Variants in PSD2 observed in about 807,000 individuals in gnomAD.
PSD2 encodes the protein PH and SEC7 domain-containing protein 2.
A neutral mutation model predicts 69.8 loss-of-function variants in PSD2; 38 were observed. The ratio of observed to expected loss-of-function variants is 0.54; its 90% confidence interval spans 0.42 to 0.71. The LOEUF is 0.71. Ranked by LOEUF, PSD2 falls within the 30% of genes least tolerant of loss-of-function variation. PSD2 has a pLI of 0.00. For synonymous variants in PSD2, 412 were observed against 423.0 expected, an observed-to-expected ratio of 0.97 and a Z score of 0.32; for missense variants, 943 against 1,014.5, an observed-to-expected ratio of 0.93 and a Z score of 0.96.
the PSD2 span, among the ~76,000 whole-genome samples, chr5:139,772,132 G>C: frequency 6.6e-6 from 1 of 152,198 alleles, no homozygotes; most frequent in Non-Finnish European, 1.5e-5. Flanking sequence ...GGCAGAGGGA[G>C]TGGGAGTGGG....
At chr5:139,818,498 A>G (rs1416009508) in intron 5 of PSD2, among the ~76,000 whole-genome samples, 1 of 152,204 alleles carries the variant, frequency 6.6e-6, no homozygotes, top group African/African-American at 2.4e-5. Context: ...GTAAGCCATG[A>G]CTGCACCACT....
At chr5:139,772,371 T>C in the PSD2 span, among the ~76,000 whole-genome samples, 2 of 152,152 alleles carry the variant, frequency 1.3e-5, no homozygotes, top group Non-Finnish European at 2.9e-5. Flanking sequence ...GTAAAAAGCA[T>C]TTGGTGCAGA....
chr5:139,767,796 A>G, the PSD2 span, among the ~76,000 whole-genome samples: 17 of 152,370 alleles, frequency 1.1e-4, no homozygotes, highest in East Asian at 3.1e-3. Context: ...TGCTGTGCAA[A>G]GTGATTCAGC....
At chr5:139,768,413 G>A in the PSD2 span, among the ~76,000 whole-genome samples, 1 of 152,176 alleles carries the variant, frequency 6.6e-6, no homozygotes, top group South Asian at 2.1e-4. Flanking sequence ...TTCCTCATTT[G>A]TGTAACAGGT....
intron 1 of PSD2, among the ~76,000 whole-genome samples, chr5:139,808,301 A>G (rs1212698823): frequency 2.0e-5 from 3 of 152,228 alleles, no homozygotes; most frequent in African/African-American, 7.2e-5. Flanking sequence ...GCCAGAACAC[A>G]GCCTGTTACA....
chr5:139,814,032 C>T lies in PSD2; in HGVS notation c.822-138C>T. 3.6e-6 allele frequency: 3 copies of T among 832,810 alleles called. No individual in the cohort carries two copies. Among genetic ancestry groups the T allele is most frequent in the Non-Finnish European group, 5.8e-6 (3 of 519,094 alleles). The allele number at this position is 832,810 out of a possible 1,614,324, so 51.6% of individuals were successfully genotyped here. On this transcript the variant is annotated intron_variant, in intron 3 of 14. Coordinates refer to ENST00000274710, the MANE Select transcript of PSD2 (RefSeq NM_032289.4). The surrounding 1 kb of genome is among the most constrained non-coding windows in gnomAD (Gnocchi z 4.4). ...TCTTCTGAAAGTCTGATTTCATTCC[C>T]TCCGGCTGCAGTGGAGCTTCTTTCC...
rs756400803 is a variant in PSD2 at position 139,837,818 on chromosome 5, G to A, written c.1823+36G>A. 5.7e-6 allele frequency: 9 copies of A among 1,581,834 alleles called. No homozygotes were observed. In the African/African-American group the frequency reaches 6.7e-5, roughly 12 times the overall value. ...GCTGGAGCCCTTCACTCCCACCTGG[G>A]GCCCAGGGCCACAGTGACCCGGCAC... On this transcript the variant is annotated intron_variant, in intron 12 of 14. Transcript: ENST00000274710. The surrounding 1 kb of genome is among the most constrained non-coding windows in gnomAD (Gnocchi z 5.0).
At chr5:139,758,702 A>G in the PSD2 span, among the ~76,000 whole-genome samples, 85 of 152,230 alleles carry the variant, frequency 5.6e-4, no homozygotes, top group Non-Finnish European at 1.1e-3. Context: ...GTGAGGAGGC[A>G]GGGTTTGGGG....
Position 139,814,016 on chromosome 5 carries a change from A to C in PSD2, c.822-154A>C, listed in dbSNP as rs1259233941. Among the ~76,000 whole-genome samples the C allele has an allele frequency of 1.3e-5, 2 of 152,142 alleles. No homozygotes were observed. Among genetic ancestry groups the C allele is most frequent in the African/African-American group, 4.8e-5 (2 of 41,430 alleles). On this transcript the variant is annotated intron_variant, in intron 3 of 14. Transcript: ENST00000274710. The surrounding 1 kb of genome is among the most constrained non-coding windows in gnomAD (Gnocchi z 4.4). ...AGTTCACTTGAGAGGTTCTTCTGAA[A>C]GTCTGATTTCATTCCCTCCGGCTGC...
the PSD2 span, among the ~76,000 whole-genome samples, chr5:139,762,335 G>C: frequency 0.029 from 4,301 of 148,162 alleles, 199 homozygotes; most frequent in African/African-American, 0.1. Flanking sequence ...GAACCACCAC[G>C]CCCAGTCCTT....
the PSD2 span, among the ~76,000 whole-genome samples, chr5:139,745,873 C>G: frequency 1.0e-3 from 152 of 152,274 alleles, no homozygotes; most frequent in Non-Finnish European, 2.0e-3. Flanking sequence ...CCACACTGTC[C>G]GGTCACAAAC....
At chr5:139,838,862 T>A (rs1760804009) in intron 13 of PSD2, 90 bp downstream of exon 13, 1 of 1,406,688 alleles carries the variant, frequency 7.1e-7, no homozygotes, top group Admixed American at 1.9e-5. Context: ...GCTCTGTCTC[T>A]AGGCTGGGTG....
At position 139,842,471 on chromosome 5, in the gene PSD2, T is replaced by G; in HGVS notation, c.2313T>G (p.Thr771=). The stretch of plus-strand genomic sequence containing the variant: ...CAAAGGATGCCACTGGGCCTGATAC[T>G]TAGCTGACATGGATTTGCAGACCCC... ...KTTKDATGPD[T] Residue 771 remains threonine, a synonymous_variant, in exon 15 of 15, where the codon ACT becomes ACG. Transcript: ENST00000274710. 6.2e-7 allele frequency: 1 copy of G among 1,612,158 alleles called. No individual in the cohort carries two copies. The highest frequency in any genetic ancestry group is 8.5e-7 in the Non-Finnish European group (1 of 1,178,534).
chr5:139,777,527 G>A, the PSD2 span, among the ~76,000 whole-genome samples: 2 of 152,178 alleles, frequency 1.3e-5, no homozygotes, highest in African/African-American at 4.8e-5. Context: ...GAGGATTGGG[G>A]CAAAGAGAAT....
At chr5:139,830,626 C>CTCTTTCTTTCTTTCTTTCTCTT (rs1760568414) in intron 7 of PSD2, among the ~76,000 whole-genome samples, 9 of 97,676 alleles carry the variant, frequency 9.2e-5, no homozygotes, top group East Asian at 5.2e-4. Context: ...TTCTTTCTTT[C>CTCTTTCTTTCTTTCTTTCTCTT]TCTTTCTTTC....
At chr5:139,770,187 G>A in the PSD2 span, among the ~76,000 whole-genome samples, 3 of 152,190 alleles carry the variant, frequency 2.0e-5, no homozygotes, top group South Asian at 6.2e-4. Context: ...GAGGAACGCT[G>A]ACAGCCCTGA....
Position 139,837,916 on chromosome 5 carries a change from C to A in PSD2, c.1823+134C>A. 1.2e-6 allele frequency: 1 copy of A among 853,150 alleles called. No individual in the cohort carries two copies. The highest frequency in any genetic ancestry group is 1.8e-6 in the Non-Finnish European group (1 of 562,886). 52.8% of individuals were successfully genotyped at this position (853,150 alleles called of 1,614,324 possible). A position where few individuals can be genotyped will look rare whatever the true frequency, so the allele number is the denominator to read the frequency against. ...CATGACACAGACCGACAGCTGGGTC[C>A]CTCCAAAGCAGTGGTTCCCAATGTG... On this transcript the variant is annotated intron_variant, in intron 12 of 14. Transcript: ENST00000274710. This position sits in a 1 kb window ranked among gnomAD's most constrained non-coding sequence, Gnocchi z 5.0.
chr5:139,800,172 T>A (rs1186950112), intron 1 of PSD2, among the ~76,000 whole-genome samples: 2 of 152,150 alleles, frequency 1.3e-5, no homozygotes, highest in African/African-American at 4.8e-5. Context: ...AGACCCCAAT[T>A]CCCTTACCTC....
At chr5:139,835,701 C>T in intron 8 of PSD2, 22 bp from the exon 9 acceptor site, 1 of 1,613,238 alleles carries the variant, frequency 6.2e-7, no homozygotes, top group Non-Finnish European at 8.5e-7. Flanking sequence ...GAATTCCCCC[C>T]TCTCTCTTTT....
Sources: gnomAD v4.1 joint callset for allele counts (sites outside exome capture counted in the v4.1 genomes callset) on GRCh38, gnomAD v4.1.1 for gene constraint, Gnocchi (gnomAD v3.1) non-coding constraint, MANE v1.5 for transcripts, NCBI Gene and HGNC (gene_info 2026-07-23, HGNC 2026-07-21) for gene names.